Variants in MEGF11 observed in about 807,000 individuals in gnomAD.
The protein encoded by MEGF11 is multiple EGF like domains 11.
A neutral mutation model predicts 146.6 loss-of-function variants in MEGF11; 126 were observed. The observed-to-expected ratio is 0.86, with a 90% CI of 0.74 to 1.00. The LOEUF is 1.00. MEGF11 is among the 50% of genes least tolerant of loss of function. The probability of loss-of-function intolerance (pLI) is 0.00; values close to 1 mark genes in which losing one functional copy is unlikely to be tolerated. For synonymous variants in MEGF11, 532 were observed against 583.4 expected (o/e 0.91, Z 1.27); for missense variants, 1,509 against 1,521.2 (o/e 0.99, Z 0.13).
At position 65,898,860 on chromosome 15, in the gene MEGF11, T is replaced by C; in HGVS notation, c.3130A>G (p.Lys1044Glu). Residue 1044 changes from lysine to glutamate, a missense_variant, in exon 25 of 26, where the codon AAG becomes GAG. Lys to Glu is a moderately conservative substitution (Grantham distance 56). Transcript: ENST00000395614. ...TTGCAGGTGAGGATGGGTGGGTCCTTAATTGTGGCGTAAGGGTTTTCACTG... is the reference window on the plus strand; with the variant it reads ...TTGCAGGTGAGGATGGGTGGGTCCTCAATTGTGGCGTAAGGGTTTTCACTG... ...NSSENPYATI[K>E]DPPILTCKLP... 6.2e-7 allele frequency: 1 copy of C among 1,614,002 alleles called. No individual in the cohort carries two copies. The highest frequency in any genetic ancestry group is 2.2e-5 in the East Asian group (1 of 44,888).
At chr15:66,219,397 A>G (rs1365998825) in intron 1 of MEGF11, among the ~76,000 whole-genome samples, 1 of 152,220 alleles carries the variant, frequency 6.6e-6, no homozygotes, top group Non-Finnish European at 1.5e-5. Context: ...AATGAGTGAA[A>G]CACTTGAACT....
intron 4 of MEGF11, among the ~76,000 whole-genome samples, chr15:66,103,660 G>A (rs1467797228): frequency 1.3e-5 from 2 of 152,192 alleles, no homozygotes; most frequent in Non-Finnish European, 2.9e-5. Flanking sequence ...TCAAGGTGGG[G>A]GTGGTCAGGG....
chr15:65,929,684 G>A (rs1383448696), intron 12 of MEGF11, 36 bp downstream of exon 12: 52 of 1,538,466 alleles, frequency 3.4e-5, no homozygotes, highest in East Asian at 7.4e-5. Context: ...GAGGGGATGC[G>A]GAGCCCAACC....
chr15:66,117,145 G>A (rs879037559), intron 4 of MEGF11, among the ~76,000 whole-genome samples: 1 of 152,196 alleles, frequency 6.6e-6, no homozygotes, highest in Non-Finnish European at 1.5e-5. Flanking sequence ...TGTGGCAGGT[G>A]CTGGGAAGAT....
At chr15:65,952,863 A>G (rs954111164) in intron 10 of MEGF11, among the ~76,000 whole-genome samples, 1 of 152,220 alleles carries the variant, frequency 6.6e-6, no homozygotes, top group African/African-American at 2.4e-5. Flanking sequence ...ACCAATGCAT[A>G]CCCCAAGTGA....
intron 10 of MEGF11, among the ~76,000 whole-genome samples, chr15:65,940,455 T>C (rs2079948837): frequency 1.1e-4 from 16 of 152,154 alleles, no homozygotes; most frequent in Admixed American, 9.8e-4. Flanking sequence ...GGAGCCTTAT[T>C]TGTAATTTCC....
At chr15:66,127,799 C>T (rs1012779638) in intron 2 of MEGF11, among the ~76,000 whole-genome samples, 8 of 151,658 alleles carry the variant, frequency 5.3e-5, no homozygotes, top group Non-Finnish European at 8.8e-5. Flanking sequence ...GCCACCCTTC[C>T]CCAGCAACAC....
At chr15:66,160,242 CCT>C (rs143653192) in intron 1 of MEGF11, among the ~76,000 whole-genome samples, 5,599 of 133,240 alleles carry the variant, frequency 0.042, 141 homozygotes, top group African/African-American at 0.083. Flanking sequence ...AAGGAAAAGC[CCT>C]CTCTCTCTCT....
At chr15:66,233,525 T>C (rs2092016252) in intron 1 of MEGF11, among the ~76,000 whole-genome samples, 2 of 152,304 alleles carry the variant, frequency 1.3e-5, no homozygotes, top group Admixed American at 1.3e-4. Flanking sequence ...CATGAGCTAC[T>C]GCACCTGGCC....
At chr15:66,152,148 G>C (rs1462954853) in intron 1 of MEGF11, among the ~76,000 whole-genome samples, 1 of 151,974 alleles carries the variant, frequency 6.6e-6, no homozygotes, top group African/African-American at 2.4e-5. Context: ...GGCACTGCCA[G>C]CTTCTCCAGG....
chr15:66,230,538 C>A lies in MEGF11; in HGVS notation c.-9+23067G>T, dbSNP rs766782052. 3.9e-5 allele frequency among the ~76,000 whole-genome samples: 6 copies of A among 152,262 alleles called. No individual in the cohort carries two copies. The East Asian group carries it at 9.6e-4, about 24-fold the overall frequency. ...CCTTACATCTGTGCAGCACTTTGAA[C>A]TTTAGGAATAAGAATAATAAAGTTA... is the stretch of plus-strand genomic sequence containing the variant. On this transcript the variant is annotated intron_variant, in intron 1 of 25. Coordinates refer to ENST00000395614, the MANE Select transcript of MEGF11 (RefSeq NM_001385028.1).
intron 1 of MEGF11, among the ~76,000 whole-genome samples, chr15:66,151,827 G>T (rs1261938468): frequency 6.6e-6 from 1 of 152,188 alleles, no homozygotes; most frequent in Admixed American, 6.5e-5. Flanking sequence ...GCTGACCCTG[G>T]GAGGGTAGGA....
chr15:66,235,741 G>T (rs1388614575), intron 1 of MEGF11, among the ~76,000 whole-genome samples: 7 of 152,124 alleles, frequency 4.6e-5, no homozygotes, highest in African/African-American at 1.4e-4. Context: ...AGCGTCCCAA[G>T]ACTGCCCGGG....
At position 65,970,841 on chromosome 15, in the gene MEGF11, G is replaced by A. The variant is rs565933703; in HGVS notation, c.763-152C>T. 4.1e-5 allele frequency: 31 copies of A among 753,386 alleles called. No individual in the cohort carries two copies. The African/African-American group carries it at 4.4e-4, about 11-fold the overall frequency. The allele number at this position is 753,386 out of a possible 1,614,324, so 46.7% of individuals were successfully genotyped here. On this transcript the variant is annotated intron_variant, in intron 7 of 25. Transcript: ENST00000395614. ...CCAGGGCTCCAAAGCCCTCCTCTTA[G>A]AGATGGGAGATGGGAGACTGAGGCC...
At chr15:66,005,196 C>A (rs1387734646) in intron 5 of MEGF11, among the ~76,000 whole-genome samples, 1 of 152,242 alleles carries the variant, frequency 6.6e-6, no homozygotes, top group African/African-American at 2.4e-5. Flanking sequence ...TCTCCTGAAA[C>A]TTCTTCTCCC....
Position 65,898,869 on chromosome 15 carries a change from C to T in MEGF11, c.3121G>A (p.Ala1041Thr), listed in dbSNP as rs545336768. The change falls in exon 25 of 26, where the codon GCC becomes ACC. Residue 1041 changes from alanine to threonine, a missense_variant. Physicochemically the swap from Ala to Thr is moderately conservative, Grantham distance 58 (BLOSUM62 0). Coordinates refer to ENST00000395614, the MANE Select transcript of MEGF11 (RefSeq NM_001385028.1). Reference protein sequence around the residue: ...CSLNSSENPYATIKDPPILTC... With the variant: ...CSLNSSENPYTTIKDPPILTC... ...AGGATGGGTGGGTCCTTAATTGTGGCGTAAGGGTTTTCACTGCTATTCAAG... is the reference window on the plus strand; with the variant it reads ...AGGATGGGTGGGTCCTTAATTGTGGTGTAAGGGTTTTCACTGCTATTCAAG... The T allele has an allele frequency of 3.7e-6, 6 of 1,613,764 alleles. No individual in the cohort carries two copies. The highest frequency in any genetic ancestry group is 2.2e-5 in the East Asian group (1 of 44,888).
chr15:65,898,050 T>G lies in MEGF11; in HGVS notation c.3307A>C (p.Ser1103Arg), dbSNP rs2078392780. 1.2e-6 allele frequency: 2 copies of G among 1,613,992 alleles called. No homozygotes were observed. Among genetic ancestry groups the G allele is most frequent in the Non-Finnish European group, 1.7e-6 (2 of 1,179,864 alleles). ...AGGTCGTATGCATTCTGGATATAGC[T>G]GGAGTTATGACCGCAACCTTCTTGG... ...VVQEGCGHNS[S>R]YIQNAYDLPR... is the part of the protein sequence containing the mutation. Residue 1103 changes from serine (S) to arginine (R), a missense_variant, in exon 26 of 26, where the codon AGC becomes CGC. Physicochemically the swap from Ser to Arg is moderately radical, Grantham distance 110. Coordinates refer to ENST00000395614, the MANE Select transcript of MEGF11 (RefSeq NM_001385028.1).
chr15:65,943,391 A>G (rs1236684893), intron 10 of MEGF11, among the ~76,000 whole-genome samples: 1 of 152,192 alleles, frequency 6.6e-6, no homozygotes, highest in Non-Finnish European at 1.5e-5. Flanking sequence ...TATGTGGACC[A>G]TGGAGGCAGG....
intron 7 of MEGF11, among the ~76,000 whole-genome samples, chr15:65,973,781 G>A (rs1357976758): frequency 1.3e-5 from 2 of 152,156 alleles, no homozygotes; most frequent in African/African-American, 2.4e-5. Flanking sequence ...TGTCTAAGAT[G>A]GAAAAGTCAA....
Sources: gnomAD v4.1 joint callset for allele counts (sites outside exome capture counted in the v4.1 genomes callset) on GRCh38, gnomAD v4.1.1 for gene constraint, MANE v1.5 for transcripts, NCBI Gene and HGNC (gene_info 2026-07-23, HGNC 2026-07-21) for gene names.